Variants in OSBPL2 observed in about 807,000 individuals in gnomAD.
The protein encoded by OSBPL2 is oxysterol-binding protein-related protein 2.
A neutral mutation model predicts 58.4 loss-of-function variants in OSBPL2; 18 were observed. That is an observed-to-expected ratio of 0.31 (90% CI 0.21 to 0.46). The LOEUF (loss-of-function observed/expected upper bound fraction) is 0.46, where lower values mean the gene tolerates loss of function less well. Ranked by LOEUF, OSBPL2 falls within the 20% of genes least tolerant of loss-of-function variation. The pLI, the probability that OSBPL2 is intolerant of heterozygous loss-of-function variation, is 1.00. For synonymous variants in OSBPL2, 221 were observed against 234.1 expected, an observed-to-expected ratio of 0.94 and a Z score of 0.51; for missense variants, 461 against 616.5, an observed-to-expected ratio of 0.75 and a Z score of 2.67.
chr20:62,266,374 A>G (rs1341597759), intron 4 of OSBPL2, among the ~76,000 whole-genome samples: 1 of 152,248 alleles, frequency 6.6e-6, no homozygotes, highest in African/African-American at 2.4e-5. Context: ...ACTACTTCTC[A>G]GCTTGTATTG....
chr20:62,270,172 G>C (rs1264632348), intron 4 of OSBPL2, among the ~76,000 whole-genome samples: 3 of 152,226 alleles, frequency 2.0e-5, no homozygotes, highest in African/African-American at 7.2e-5. Context: ...TGAGGCCTTG[G>C]TGGGGCCGTC....
chr20:62,282,700 A>T (rs1488860058), intron 9 of OSBPL2, among the ~76,000 whole-genome samples: 1 of 152,162 alleles, frequency 6.6e-6, no homozygotes, highest in Admixed American at 6.5e-5. Context: ...GATGGCGCAC[A>T]TCTGTAATCC....
At chr20:62,292,558 C>T (rs1160538160) in intron 13 of OSBPL2, among the ~76,000 whole-genome samples, 1 of 152,128 alleles carries the variant, frequency 6.6e-6, no homozygotes, top group Non-Finnish European at 1.5e-5. Context: ...GAGAAAAGAA[C>T]CATTGAATAA....
chr20:62,258,312 C>T (rs749517620), intron 2 of OSBPL2, among the ~76,000 whole-genome samples: 2 of 152,216 alleles, frequency 1.3e-5, no homozygotes, highest in African/African-American at 2.4e-5. Flanking sequence ...AGACTCTCGA[C>T]TCCTTCACCG....
chr20:62,261,507 G>C (rs1196960645), intron 3 of OSBPL2, among the ~76,000 whole-genome samples: 1 of 152,022 alleles, frequency 6.6e-6, no homozygotes, highest in Non-Finnish European at 1.5e-5. Context: ...CTGCTTGGTG[G>C]GTCCACTCTG....
In OSBPL2 at chr20:62,256,163, A is replaced by G. The variant is rs764342688; in HGVS notation, c.-22A>G. The G allele has an allele frequency of 6.2e-7, 1 of 1,613,452 alleles. No homozygotes were observed. Among genetic ancestry groups the G allele is most frequent in the South Asian group, 1.1e-5 (1 of 91,042 alleles). Reference sequence around the variant, plus strand: ...CAGTAGAAGAGCACATGTCAGGGGCAGTGGAGGCTGGCTGCTGAAGGATGA... The same window carrying G: ...CAGTAGAAGAGCACATGTCAGGGGCGGTGGAGGCTGGCTGCTGAAGGATGA... On this transcript the variant is annotated 5_prime_UTR_variant, in exon 2 of 14. Transcript: ENST00000313733.
At chr20:62,290,724 T>A (rs1448709054) in intron 12 of OSBPL2, among the ~76,000 whole-genome samples, 7 of 148,776 alleles carry the variant, frequency 4.7e-5, no homozygotes, top group Non-Finnish European at 1.5e-5. Context: ...CTGGCCAGGT[T>A]TTTTTTTTTG....
intron 6 of OSBPL2, among the ~76,000 whole-genome samples, chr20:62,274,984 C>T (rs529347846): frequency 1.3e-5 from 2 of 152,138 alleles, no homozygotes; most frequent in South Asian, 2.1e-4. Context: ...TTTTTAATTA[C>T]GAGAGAGTGC....
intron 1 of OSBPL2, among the ~76,000 whole-genome samples, chr20:62,243,724 G>A (rs116238199): frequency 0.011 from 1,621 of 152,258 alleles, 39 homozygotes; most frequent in African/African-American, 0.037. Context: ...GAGGCCCACG[G>A]TGGGGTCAGG....
chr20:62,268,540 C>T (rs1290793873), intron 4 of OSBPL2, among the ~76,000 whole-genome samples: 2 of 152,120 alleles, frequency 1.3e-5, no homozygotes, highest in Admixed American at 6.5e-5. Flanking sequence ...CTTTCTCCAC[C>T]TTTTAAAATT....
intron 4 of OSBPL2, among the ~76,000 whole-genome samples, chr20:62,267,274 G>A (rs1204572863): frequency 1.3e-5 from 2 of 152,196 alleles, no homozygotes; most frequent in African/African-American, 4.8e-5. Flanking sequence ...TGGGCGCTCA[G>A]AGTCTGGGTC....
chr20:62,286,528 C>T (rs1983132807), intron 10 of OSBPL2, 55 bp from the exon 11 acceptor site: 7 of 1,570,610 alleles, frequency 4.5e-6, no homozygotes, highest in Non-Finnish European at 6.1e-6. Context: ...AGCTGTCCTC[C>T]TGGCCAAGAG....
intron 2 of OSBPL2, among the ~76,000 whole-genome samples, chr20:62,256,693 T>C (rs1030634932): frequency 1.3e-5 from 2 of 152,158 alleles, no homozygotes; most frequent in African/African-American, 4.8e-5. Context: ...TCCTGTGGCC[T>C]AATTGAAAAG....
chr20:62,254,244 C>T (rs940818919), intron 1 of OSBPL2, among the ~76,000 whole-genome samples: 2 of 152,184 alleles, frequency 1.3e-5, no homozygotes, highest in African/African-American at 2.4e-5. Flanking sequence ...TTTGGAGGGA[C>T]GCACATTCCA....
At chr20:62,239,249 T>G (rs945062727) in intron 1 of OSBPL2, among the ~76,000 whole-genome samples, 3 of 152,252 alleles carry the variant, frequency 2.0e-5, no homozygotes, top group Admixed American at 6.5e-5. Flanking sequence ...TACACACGGT[T>G]GAGAACTTGC....
In OSBPL2 at chr20:62,263,658, C is replaced by G. The variant is rs146206209; in HGVS notation, c.225C>G (p.Ser75Arg). Residue 75 changes from serine (S) to arginine (R), a missense_variant, in exon 4 of 14, where the codon AGC becomes AGG. Transcript: ENST00000313733. ...CCATGTTCAGCAGAAGCGACTTCAG[C>G]GTGTGGACCATCCTGAAGAAGTGTG... ...PAPMFSRSDF[S>R]VWTILKKCVG... The G allele has an allele frequency of 1.2e-6, 2 of 1,614,166 alleles. No homozygotes were observed. The highest frequency in any genetic ancestry group is 4.5e-5 in the East Asian group (2 of 44,878).
At chr20:62,286,486 C>G (rs765606340) in intron 10 of OSBPL2, 97 bp from the exon 11 acceptor site, 107 of 1,347,862 alleles carry the variant, frequency 7.9e-5, no homozygotes, top group Middle Eastern at 5.7e-4. Context: ...TGGCTCTGCT[C>G]AGGTGACTGG....
At chr20:62,264,644 C>A (rs1031193548) in intron 4 of OSBPL2, 1 of 152,112 alleles carries the variant, frequency 6.6e-6, no homozygotes, top group Non-Finnish European at 1.5e-5. Context: ...CGGAAAATCA[C>A]AAAATAGCAC....
chr20:62,289,063 G>A, intron 11 of OSBPL2, 144 bp from the exon 12 acceptor site: 2 of 789,018 alleles, frequency 2.5e-6, no homozygotes, highest in South Asian at 1.8e-5. Flanking sequence ...TGAATTTGCA[G>A]GTGGAAGACG....
Sources: gnomAD v4.1 joint callset for allele counts (sites outside exome capture counted in the v4.1 genomes callset) on GRCh38, gnomAD v4.1.1 for gene constraint, MANE v1.5 for transcripts, NCBI Gene and HGNC (gene_info 2026-07-23, HGNC 2026-07-21) for gene names.